Variants in MSRA observed in about 807,000 individuals in gnomAD.
MSRA encodes the protein mitochondrial peptide methionine sulfoxide reductase.
Under a neutral mutation model 31.3 loss-of-function variants are expected in MSRA, and 54 were observed. The ratio of observed to expected loss-of-function variants is 1.73; its 90% CI spans 1.39 to 2.17. The LOEUF is 2.17. Among genes scored for constraint, MSRA ranks in the 30% most tolerant of loss-of-function variants. The pLI is 0.00. For synonymous variants in MSRA, 169 were observed against 116.5 expected, an observed-to-expected ratio of 1.45 and a Z score of -2.90; for missense variants, 507 against 300.9, an observed-to-expected ratio of 1.69 and a Z score of -5.07.
rs1805527330 is a variant in MSRA at position 10,372,367 on chromosome 8, A to C, written c.543+52378A>C. The stretch of plus-strand genomic sequence containing the variant: ...GGAGATTACTTTCAGAATGCTCACA[A>C]ATAAGAGAAACAGATTCCTTCTGCA... On this transcript the variant is annotated intron_variant, in intron 5 of 5. Transcript: ENST00000317173. Among the ~76,000 whole-genome samples the C allele has an allele frequency of 2.6e-5, 4 of 152,234 alleles. No homozygotes were observed. The South Asian group carries it at 8.3e-4, about 31-fold the overall frequency.
At chr8:10,313,236 G>A (rs975852829) in intron 4 of MSRA, among the ~76,000 whole-genome samples, 2 of 152,188 alleles carry the variant, frequency 1.3e-5, no homozygotes, top group African/African-American at 2.4e-5. Context: ...CAGTCTGCCT[G>A]CTGAATGCTA....
At chr8:10,138,318 G>C (rs1220548389) in intron 1 of MSRA, among the ~76,000 whole-genome samples, 1 of 152,176 alleles carries the variant, frequency 6.6e-6, no homozygotes, top group Non-Finnish European at 1.5e-5. Context: ...GCTTGAAGAT[G>C]GGAGGGTGTG....
intron 5 of MSRA, among the ~76,000 whole-genome samples, chr8:10,403,454 A>T (rs1183089164): frequency 2.6e-5 from 4 of 152,208 alleles, no homozygotes; most frequent in Non-Finnish European, 5.9e-5. Context: ...GGAGAGGTTC[A>T]TGGGTCCTGG....
chr8:10,295,440 G>C (rs964930773), intron 3 of MSRA, among the ~76,000 whole-genome samples: 2 of 152,142 alleles, frequency 1.3e-5, no homozygotes, highest in South Asian at 4.1e-4. Context: ...CACAGACCAC[G>C]TGGGCCTAGA....
chr8:10,263,860 T>C (rs1798607169), intron 3 of MSRA, among the ~76,000 whole-genome samples: 2 of 152,228 alleles, frequency 1.3e-5, no homozygotes, highest in African/African-American at 2.4e-5. Context: ...AGAAATCAAA[T>C]ATAGATACAG....
At chr8:10,289,479 C>T (rs1800116952) in intron 3 of MSRA, among the ~76,000 whole-genome samples, 1 of 152,094 alleles carries the variant, frequency 6.6e-6, no homozygotes, top group Non-Finnish European at 1.5e-5. Context: ...AGAATGGGGT[C>T]TGCATCCCCT....
chr8:10,134,097 G>A (rs867776520), intron 1 of MSRA, among the ~76,000 whole-genome samples: 3 of 152,256 alleles, frequency 2.0e-5, no homozygotes, highest in East Asian at 3.9e-4. Context: ...CTTCCAAAGT[G>A]CTGGGATTAC....
chr8:10,335,250 G>GTTTTTT (rs1170264568), intron 5 of MSRA, among the ~76,000 whole-genome samples: 992 of 79,774 alleles, frequency 0.012, 12 homozygotes, highest in African/African-American at 0.015. Flanking sequence ...TCCCAGCTCT[G>GTTTTTT]TTTTTTTTTT....
intron 1 of MSRA, among the ~76,000 whole-genome samples, chr8:10,114,453 A>G (rs7008695): frequency 0.64 from 97,670 of 151,806 alleles, 31,503 homozygotes; most frequent in Middle Eastern, 0.71. Flanking sequence ...TTTGCTACCA[A>G]TAAAGTATGA....
At chr8:10,266,988 T>C (rs535878966) in intron 3 of MSRA, among the ~76,000 whole-genome samples, 1 of 152,306 alleles carries the variant, frequency 6.6e-6, no homozygotes, top group Admixed American at 6.5e-5. Flanking sequence ...GCAATCAGTG[T>C]TTTGTTATAT....
intron 2 of MSRA, among the ~76,000 whole-genome samples, chr8:10,213,479 C>G (rs142769491): frequency 6.8e-6 from 1 of 147,710 alleles, no homozygotes; most frequent in Non-Finnish European, 1.5e-5. Flanking sequence ...TGCCCTCACC[C>G]AGGCTGGAGT....
At chr8:10,396,813 G>C (rs547010178) in intron 5 of MSRA, among the ~76,000 whole-genome samples, 1 of 152,300 alleles carries the variant, frequency 6.6e-6, no homozygotes, top group Non-Finnish European at 1.5e-5. Flanking sequence ...CAGTAAAGCC[G>C]ATGGTCTGGG....
intron 5 of MSRA, among the ~76,000 whole-genome samples, chr8:10,351,170 T>C (rs1211473409): frequency 1.3e-5 from 2 of 151,894 alleles, no homozygotes; most frequent in Non-Finnish European, 2.9e-5. Flanking sequence ...GCTCATCCAT[T>C]CGAGTGAAAA....
At chr8:10,420,760 A>G (rs1808764785) in intron 5 of MSRA, among the ~76,000 whole-genome samples, 1 of 152,214 alleles carries the variant, frequency 6.6e-6, no homozygotes, top group Non-Finnish European at 1.5e-5. Context: ...GCAGAGTTTC[A>G]GTTCAGAAAG....
At chr8:10,390,496 G>A (rs1003465315) in intron 5 of MSRA, among the ~76,000 whole-genome samples, 2 of 152,168 alleles carry the variant, frequency 1.3e-5, no homozygotes, top group African/African-American at 4.8e-5. Flanking sequence ...CCCACCACGG[G>A]AAGCCAGGGG....
chr8:10,112,917 G>A (rs1308346941), intron 1 of MSRA, among the ~76,000 whole-genome samples: 2 of 152,138 alleles, frequency 1.3e-5, no homozygotes, highest in African/African-American at 2.4e-5. Context: ...TCTGGGCTCA[G>A]TTGTCTCCTT....
intron 5 of MSRA, among the ~76,000 whole-genome samples, chr8:10,364,215 G>T (rs957159300): frequency 3.3e-5 from 5 of 152,164 alleles, no homozygotes; most frequent in East Asian, 1.9e-4. Context: ...GTCCCTGCCC[G>T]TATGAGTTAT....
intron 2 of MSRA, among the ~76,000 whole-genome samples, chr8:10,210,459 G>A: frequency 6.6e-6 from 1 of 152,146 alleles, no homozygotes; most frequent in East Asian, 1.9e-4. Context: ...TTAGCAAATC[G>A]ATTTGTATAC....
intron 1 of MSRA, among the ~76,000 whole-genome samples, chr8:10,200,576 G>A (rs1202236458): frequency 6.6e-6 from 1 of 152,162 alleles, no homozygotes; most frequent in Non-Finnish European, 1.5e-5. Flanking sequence ...GGAGCACTGG[G>A]AATTCCTGGG....
Sources: allele counts gnomAD v4.1 joint callset (sites outside exome capture counted in the v4.1 genomes callset), GRCh38; gene constraint gnomAD v4.1.1; transcripts MANE v1.5; gene names NCBI Gene and HGNC (gene_info 2026-07-23, HGNC 2026-07-21).